The following HDGFL2 variants were observed in gnomAD, a reference collection of about 807,000 sequenced individuals.
The protein encoded by HDGFL2 is hepatoma-derived growth factor-related protein 2.
A neutral mutation model predicts 77.1 loss-of-function variants in HDGFL2; 36 were observed. The observed-to-expected ratio is 0.47, with a 90% CI of 0.36 to 0.62. HDGFL2 has a LOEUF of 0.62. HDGFL2 is among the 20% of genes least tolerant of loss of function. The probability of loss-of-function intolerance (pLI) is 0.00; values close to 1 mark genes in which losing one functional copy is unlikely to be tolerated. For synonymous variants in HDGFL2, 463 were observed against 413.1 expected, an observed-to-expected ratio of 1.12 and a Z score of -1.46; for missense variants, 976 against 973.4, an observed-to-expected ratio of 1.00 and a Z score of -0.04.
intron 12 of HDGFL2, 43 bp from the exon 13 acceptor site, chr19:4,498,771 C>T (rs1975776862): frequency 1.4e-6 from 2 of 1,389,354 alleles, no homozygotes; most frequent in South Asian, 2.4e-5. Context: ...CCCTGGGGAT[C>T]CCTTGGCCAG....
intron 14 of HDGFL2, among the ~76,000 whole-genome samples, chr19:4,500,452 A>ATT (rs67297373): frequency 4.5e-5 from 4 of 88,702 alleles, no homozygotes; most frequent in African/African-American, 5.0e-5. Context: ...TGCCCTGCTA[A>ATT]TTTTTTTTTT....
intron 4 of HDGFL2, among the ~76,000 whole-genome samples, chr19:4,490,046 AG>A (rs1455449988): frequency 6.6e-6 from 1 of 152,162 alleles, no homozygotes; most frequent in African/African-American, 2.4e-5. Context: ...TGACGTCCTC[AG>A]GGTGCATCCG....
intron 3 of HDGFL2, among the ~76,000 whole-genome samples, chr19:4,476,220 G>A (rs1975070166): frequency 7.9e-6 from 1 of 126,898 alleles, no homozygotes. Context: ...TTGAGACAGA[G>A]TCTTGCTCTG....
chr19:4,484,425 A>G (rs1221428110), intron 3 of HDGFL2, among the ~76,000 whole-genome samples: 2 of 151,898 alleles, frequency 1.3e-5, no homozygotes, highest in Non-Finnish European at 1.5e-5. Flanking sequence ...TAACTTCACC[A>G]TTTTAATCAT....
chr19:4,483,566 C>G (rs918700093), intron 3 of HDGFL2, among the ~76,000 whole-genome samples: 4 of 152,154 alleles, frequency 2.6e-5, no homozygotes, highest in African/African-American at 9.6e-5. Context: ...ACTCCCTGCT[C>G]CCTCTTGCCC....
At chr19:4,485,845 G>A (rs1238328764) in intron 3 of HDGFL2, among the ~76,000 whole-genome samples, 1 of 147,040 alleles carries the variant, frequency 6.8e-6, no homozygotes, top group East Asian at 2.0e-4. Context: ...CCAGGAGTTT[G>A]AGACCAGCCT....
chr19:4,494,076 G>T lies in HDGFL2; in HGVS notation c.914+19G>T, dbSNP rs1380058509. On this transcript the variant is annotated intron_variant, in intron 8 of 15. Coordinates refer to ENST00000616600, the MANE Select transcript of HDGFL2 (RefSeq NM_001001520.3). The stretch of plus-strand genomic sequence containing the variant: ...GTGACAGGTGGGTGCTGGGGCTGGG[G>T]TCCCCTCTGGCGGCTCCTCCATCGG... The T allele has an allele frequency of 2.5e-6, 4 of 1,579,890 alleles. No homozygotes were observed. In the East Asian group the frequency reaches 9.2e-5, roughly 36 times the overall value.
At position 4,494,493 on chromosome 19, in the gene HDGFL2, C is replaced by T. The variant is rs1465509657; in HGVS notation, c.1224+18C>T. 2.9e-6 allele frequency: 4 copies of T among 1,366,304 alleles called. No individual in the cohort carries two copies. The highest frequency in any genetic ancestry group is 3.0e-5 in the East Asian group (1 of 32,858). The allele number at this position is 1,366,304 out of a possible 1,614,324, so 84.6% of individuals were successfully genotyped here. ...AGAGAGAGGTGAGCCGGGAGGGCGC[C>T]GGGAGTCCCTGCCTTCACTCCACAC... is the stretch of plus-strand genomic sequence containing the variant. On this transcript the variant is annotated intron_variant, in intron 9 of 15. Transcript: ENST00000616600.
intron 1 of HDGFL2, among the ~76,000 whole-genome samples, chr19:4,473,253 C>T (rs1028629732): frequency 6.8e-6 from 1 of 146,856 alleles, no homozygotes; most frequent in African/African-American, 2.5e-5. Flanking sequence ...CGCCAATGGT[C>T]TGGGGGTCCT....
chr19:4,492,526 G>T (rs931342730), intron 6 of HDGFL2, among the ~76,000 whole-genome samples: 8 of 151,990 alleles, frequency 5.3e-5, no homozygotes, highest in African/African-American at 2.4e-5. Context: ...GTGTTTGTGT[G>T]TCTGTGTGTG....
At chr19:4,474,623 C>T (rs1974926623) in intron 1 of HDGFL2, among the ~76,000 whole-genome samples, 1 of 152,098 alleles carries the variant, frequency 6.6e-6, no homozygotes. Context: ...CAGAGCAATG[C>T]AACTTTATAG....
rs772355957 is a variant in HDGFL2 at position 4,493,850 on chromosome 19, G to A, written c.826G>A (p.Gly276Ser). 3.3e-6 allele frequency: 5 copies of A among 1,509,772 alleles called. No homozygotes were observed. The Admixed American group carries it at 8.6e-5, about 26-fold the overall frequency. The allele number at this position is 1,509,772 out of a possible 1,614,324, so 93.5% of individuals were successfully genotyped here. The change falls in exon 7 of 16, where the codon GGC becomes AGC. Residue 276 changes from glycine (G) to serine (S), a missense_variant. Gly to Ser is a moderately conservative substitution (Grantham distance 56). Transcript: ENST00000616600. Reference sequence around the variant, plus strand: ...TGTGTCTGTGAAGAAGCCTCCGAGGGGCAGGAAGCCAGGTAGGGCCCTCGT... The same window carrying A: ...TGTGTCTGTGAAGAAGCCTCCGAGGAGCAGGAAGCCAGGTAGGGCCCTCGT... ...SDVSVKKPPR[G>S]RKPAEKPLPK...
chr19:4,489,737 G>A (rs1415967724), intron 4 of HDGFL2, among the ~76,000 whole-genome samples: 3 of 151,976 alleles, frequency 2.0e-5, no homozygotes, highest in Non-Finnish European at 4.4e-5. Flanking sequence ...TTTTCAGTAT[G>A]CATTTAAAAA....
At chr19:4,473,260 T>G in intron 1 of HDGFL2, among the ~76,000 whole-genome samples, 1 of 143,108 alleles carries the variant, frequency 7.0e-6, no homozygotes, top group African/African-American at 2.7e-5. Flanking sequence ...GGTCTGGGGG[T>G]CCTGGGCCTG....
Position 4,493,756 on chromosome 19 carries a change from G to T in HDGFL2, c.732G>T (p.Lys244Asn). ...SDSKADSDGA[K>N]PEPVAMARSA... The stretch of plus-strand genomic sequence containing the variant: ...CCAAGGCCGATTCGGACGGGGCCAA[G>T]CCTGAGCCGGTGGCCATGGCGCGGT... Residue 244 changes from lysine to asparagine, a missense_variant, in exon 7 of 16, where the codon AAG becomes AAT. Around this residue, in one of 5 missense-constraint regions of HDGFL2, gnomAD observed 567 missense variants for 534.7 expected, o/e 1.06. Transcript: ENST00000616600. 1 of 1,541,972 alleles carries T rather than the reference G, an allele frequency of 6.5e-7. No individual in the cohort carries two copies. Among genetic ancestry groups the T allele is most frequent in the Non-Finnish European group, 8.8e-7 (1 of 1,140,726 alleles).
chr19:4,478,992 A>G (rs1975144149), intron 3 of HDGFL2, among the ~76,000 whole-genome samples: 1 of 150,976 alleles, frequency 6.6e-6, no homozygotes, highest in Non-Finnish European at 1.5e-5. Context: ...AGCGGGAAGT[A>G]TTTTTTCCAT....
chr19:4,498,227 C>A, intron 11 of HDGFL2, 79 bp from the exon 12 acceptor site: 1 of 1,352,992 alleles, frequency 7.4e-7, no homozygotes, highest in Non-Finnish European at 1.0e-6. Context: ...CCTCCAGAGG[C>A]TCTCAGGCTC....
chr19:4,475,469 G>C lies in HDGFL2; in HGVS notation c.174G>C (p.Leu58=). 6.2e-7 allele frequency: 1 copy of C among 1,612,496 alleles called. No individual in the cohort carries two copies. The highest frequency in any genetic ancestry group is 8.5e-7 in the Non-Finnish European group (1 of 1,179,600). ...GAGCCTTCCTGGGACCCAAGGACCT[G>C]TTCCCCTACGACAAATGTAAAGACA... ...HETAFLGPKD[L]FPYDKCKDKY... The change falls in exon 3 of 16, where the codon CTG becomes CTC. Residue 58 remains leucine (L), a synonymous_variant. Transcript: ENST00000616600.
intron 3 of HDGFL2, among the ~76,000 whole-genome samples, chr19:4,480,146 CA>C (rs1261069524): frequency 6.6e-6 from 1 of 152,106 alleles, no homozygotes; most frequent in Non-Finnish European, 1.5e-5. Context: ...TCTTGATGAC[CA>C]AAATGTCTCT....
Sources: gnomAD v4.1 joint callset for allele counts (sites outside exome capture counted in the v4.1 genomes callset) on GRCh38, gnomAD v4.1.1 for gene constraint, gnomAD v4.1.1 regional missense constraint, MANE v1.5 for transcripts, NCBI Gene and HGNC (gene_info 2026-07-23, HGNC 2026-07-21) for gene names.